Variants in C9orf153 observed in about 807,000 individuals in gnomAD.
C9orf153 encodes chromosome 9 open reading frame 153.
Under a neutral mutation model 9.0 loss-of-function variants are expected in C9orf153, and 10 were observed. The ratio of observed to expected loss-of-function variants is 1.11; its 90% CI spans 0.69 to 1.89. The LOEUF (loss-of-function observed/expected upper bound fraction) is 1.89. C9orf153 is among the 40% of genes most tolerant of loss of function. The pLI is 0.00. For synonymous variants in C9orf153, 35 were observed against 37.3 expected (o/e 0.94, Z 0.23); for missense variants, 108 against 111.0 (o/e 0.97, Z 0.12).
chr9:86,229,897 G>A (rs913559230), intron 1 of C9orf153, among the ~76,000 whole-genome samples: 67 of 152,074 alleles, frequency 4.4e-4, no homozygotes, highest in African/African-American at 1.5e-3. Context: ...ACAATTATTG[G>A]GGGAAGGCAA....
In C9orf153 at chr9:86,228,115, T is replaced by C. The variant is rs895769399; in HGVS notation, c.67-85A>G. On this transcript the variant is annotated intron_variant, in intron 2 of 3. Coordinates refer to ENST00000339137, the MANE Select transcript of C9orf153 (RefSeq NM_001276366.4). ...GACCTACAAACCCTAGAAAAAACCA[T>C]AGGACAATAAATAACCATAAAGACA... is the stretch of plus-strand genomic sequence containing the variant. 2.6e-5 allele frequency: 25 copies of C among 977,908 alleles called. No individual in the cohort carries two copies. The East Asian group carries it at 2.9e-4, about 11-fold the overall frequency. The allele number at this position is 977,908 out of a possible 1,614,324, so 60.6% of individuals were successfully genotyped here. A position where few individuals can be genotyped will look rare whatever the true frequency, so the allele number is the denominator to read the frequency against.
In C9orf153 at chr9:86,221,069, CTTCT is replaced by C. The variant is rs1231860393; in HGVS notation, c.*615_*618del. On this transcript the variant is annotated 3_prime_UTR_variant, in exon 4 of 4. Transcript: ENST00000339137. Reference sequence around the variant, plus strand: ...GTTCTTATTTCATGGATGCTGTTTCCTTCTTTGTCACTGGACAGTTAATAGATTA... The same window carrying C: ...GTTCTTATTTCATGGATGCTGTTTCCTTGTCACTGGACAGTTAATAGATTA... The C allele has an allele frequency of 6.6e-6, 1 of 152,002 alleles. No homozygotes were observed. The highest frequency in any genetic ancestry group is 6.6e-5 in the Admixed American group (1 of 15,250). 9.4% of individuals were successfully genotyped at this position (152,002 alleles called of 1,614,324 possible).
chr9:86,233,024 C>T (rs1408083271), intron 1 of C9orf153, among the ~76,000 whole-genome samples: 4 of 152,254 alleles, frequency 2.6e-5, no homozygotes, highest in South Asian at 4.1e-4. Flanking sequence ...TGCACCATTG[C>T]GCCCGGCCCC....
chr9:86,224,057 C>G (rs1448845606), intron 3 of C9orf153, among the ~76,000 whole-genome samples: 1 of 151,986 alleles, frequency 6.6e-6, no homozygotes, highest in Non-Finnish European at 1.5e-5. Flanking sequence ...GAGTTTGAGG[C>G]CAACCTGGGC....
At chr9:86,227,277 G>C (rs920238168) in intron 3 of C9orf153, 1 of 1,396,700 alleles carries the variant, frequency 7.2e-7, no homozygotes, top group African/African-American at 1.5e-5. Context: ...CTCTCGGGTA[G>C]CCGAGATTAC....
intron 1 of C9orf153, chr9:86,258,430 C>T (rs996509886): frequency 1.9e-4 from 29 of 151,158 alleles, no homozygotes; most frequent in African/African-American, 7.1e-4. Flanking sequence ...TTTTAGAGAG[C>T]TTGTTTGGAG....
chr9:86,247,294 G>A (rs1320860385), intron 1 of C9orf153, among the ~76,000 whole-genome samples: 1 of 152,066 alleles, frequency 6.6e-6, no homozygotes, highest in Non-Finnish European at 1.5e-5. Context: ...TTTTCACCAG[G>A]CTGCCAGGCT....
chr9:86,220,979 A>G lies in C9orf153; in HGVS notation c.*709T>C, dbSNP rs1824188239. The stretch of plus-strand genomic sequence containing the variant: ...GGGATAATTATCAAGGGTTATTATT[A>G]TAATTTTCAATGACTATATCTTTCA... On this transcript the variant is annotated 3_prime_UTR_variant, in exon 4 of 4. Transcript: ENST00000339137. 1 of 152,174 alleles carries G rather than the reference A, an allele frequency of 6.6e-6. No individual in the cohort carries two copies. The highest frequency in any genetic ancestry group is 1.5e-5 in the Non-Finnish European group (1 of 68,038). The allele number at this position is 152,174 out of a possible 1,614,324, so 9.4% of individuals were successfully genotyped here. A position where few individuals can be genotyped will look rare whatever the true frequency, so the allele number is the denominator to read the frequency against.
At chr9:86,230,688 G>C (rs1352195075) in intron 1 of C9orf153, among the ~76,000 whole-genome samples, 3 of 152,158 alleles carry the variant, frequency 2.0e-5, no homozygotes, top group Non-Finnish European at 4.4e-5. Flanking sequence ...CACTCAAAAA[G>C]TGTTTTTTAT....
intron 2 of C9orf153, chr9:86,228,817 G>A (rs184048083): frequency 2.0e-3 from 349 of 171,310 alleles, no homozygotes; most frequent in African/African-American, 7.2e-3. Flanking sequence ...TAGAAAGTGA[G>A]CTAACGCGTG....
intron 1 of C9orf153, among the ~76,000 whole-genome samples, chr9:86,234,675 C>T (rs1385807806): frequency 3.3e-5 from 5 of 152,154 alleles, no homozygotes; most frequent in African/African-American, 7.2e-5. Context: ...GCGTATAACA[C>T]GAAAACATAA....
intron 3 of C9orf153, among the ~76,000 whole-genome samples, chr9:86,226,814 G>A (rs1432543957): frequency 6.6e-6 from 1 of 151,894 alleles, no homozygotes; most frequent in Non-Finnish European, 1.5e-5. Flanking sequence ...GCCCAGGCTT[G>A]AGCACAATGG....
At position 86,244,671 on chromosome 9, in the gene C9orf153, T is replaced by A. The variant is rs371268524; in HGVS notation, c.-27+14879A>T. Among the ~76,000 whole-genome samples the A allele has an allele frequency of 1.1e-4, 16 of 152,298 alleles. No homozygotes were observed. In the South Asian group the frequency reaches 1.9e-3, roughly 18 times the overall value. ...CTTGGCGAATGAATACTTATGAAGA[T>A]CTGTGCACCCCAAACCCAGACGAAG... On this transcript the variant is annotated intron_variant, in intron 1 of 3. Transcript: ENST00000339137.
intron 1 of C9orf153, among the ~76,000 whole-genome samples, chr9:86,255,764 C>T (rs1197388655): frequency 6.6e-6 from 1 of 152,170 alleles, no homozygotes; most frequent in Admixed American, 6.6e-5. Flanking sequence ...AATTCGTATG[C>T]CTTTTCTCCA....
chr9:86,226,193 C>T (rs1366388155), intron 3 of C9orf153, among the ~76,000 whole-genome samples: 1 of 152,154 alleles, frequency 6.6e-6, no homozygotes, highest in Non-Finnish European at 1.5e-5. Flanking sequence ...GATTTCGAAG[C>T]CTGCATTTGG....
chr9:86,253,833 T>G (rs958544224), intron 1 of C9orf153, among the ~76,000 whole-genome samples: 6 of 152,190 alleles, frequency 3.9e-5, no homozygotes, highest in East Asian at 1.9e-4. Flanking sequence ...GGCTCATGCC[T>G]GTAATCCCAG....
chr9:86,238,032 TG>T (rs1050930763), intron 1 of C9orf153, among the ~76,000 whole-genome samples: 5 of 151,702 alleles, frequency 3.3e-5, no homozygotes, highest in African/African-American at 1.2e-4. Flanking sequence ...TTGCAGTGAG[TG>T]GAGATCACAC....
chr9:86,227,875 T>A lies in C9orf153; in HGVS notation c.222A>T (p.Gly74=), dbSNP rs1824372047. 6.2e-7 allele frequency: 1 copy of A among 1,612,074 alleles called. No homozygotes were observed. Among genetic ancestry groups the A allele is most frequent in the Non-Finnish European group, 8.5e-7 (1 of 1,179,310 alleles). The change falls in exon 3 of 4, where the codon GGA becomes GGT. Residue 74 remains glycine (G), a synonymous_variant. Transcript: ENST00000339137. ...TGCACCTGATAACAGGTTGGAGATC[T>A]CCTCTCACATCAGCGCCCCTGGTGA... The part of the protein sequence containing the change: ...MSFTRGADVR[G]DLQPVIRKTI...
chr9:86,249,894 A>G (rs1824957550), intron 1 of C9orf153, among the ~76,000 whole-genome samples: 1 of 152,174 alleles, frequency 6.6e-6, no homozygotes, highest in Non-Finnish European at 1.5e-5. Context: ...CAACTGACAA[A>G]AGGCAGATCG....
Sources: allele counts gnomAD v4.1 joint callset (sites outside exome capture counted in the v4.1 genomes callset), GRCh38; gene constraint gnomAD v4.1.1; transcripts MANE v1.5; gene names NCBI Gene and HGNC (gene_info 2026-07-23, HGNC 2026-07-21).